ITGA11: variants seen among roughly 807,000 people sequenced by gnomAD.
ITGA11 encodes integrin subunit alpha 11, also known as integrin alpha-11.
A neutral mutation model predicts 141.9 loss-of-function variants in ITGA11; 97 were observed. That is an observed-to-expected ratio of 0.68 (90% confidence interval 0.58 to 0.81). The LOEUF (loss-of-function observed/expected upper bound fraction) is 0.81. Ranked by LOEUF, ITGA11 falls within the 30% of genes least tolerant of loss-of-function variation. The pLI, the probability that ITGA11 is intolerant of heterozygous loss-of-function variation, is 0.00. For synonymous variants in ITGA11, 658 were observed against 624.6 expected (o/e 1.05, Z -0.80); for missense variants, 1,387 against 1,559.2 (o/e 0.89, Z 1.86).
chr15:68,359,048 A>G (rs973366049), intron 5 of ITGA11, among the ~76,000 whole-genome samples: 1 of 152,046 alleles, frequency 6.6e-6, no homozygotes, highest in Admixed American at 6.6e-5. Flanking sequence ...TGGCTTTGGC[A>G]CTCCCTAGCT....
In ITGA11 at chr15:68,322,245, C is replaced by A. The variant is rs552440480; in HGVS notation, c.2323-742G>T. 2.3e-3 allele frequency among the ~76,000 whole-genome samples: 355 copies of A among 152,278 alleles called. 3 individuals are homozygous for A. Among genetic ancestry groups the A allele is most frequent in the African/African-American group, 8.3e-3 (343 of 41,554 alleles). Reference sequence around the variant, plus strand: ...AGGGCCTTGGGGTCATTCCTTGCAACTGGTAGGAGTCGCCGAATGCCTCAG... The same window carrying A: ...AGGGCCTTGGGGTCATTCCTTGCAAATGGTAGGAGTCGCCGAATGCCTCAG... On this transcript the variant is annotated intron_variant, in intron 18 of 29. Coordinates refer to ENST00000315757, the MANE Select transcript of ITGA11 (RefSeq NM_001004439.2). This position sits in a 1 kb window ranked among gnomAD's most constrained non-coding sequence, Gnocchi z 5.6.
At chr15:68,386,629 G>A (rs908705346) in intron 2 of ITGA11, among the ~76,000 whole-genome samples, 9 of 152,122 alleles carry the variant, frequency 5.9e-5, no homozygotes, top group Non-Finnish European at 1.2e-4. Flanking sequence ...CCGAGGCTCC[G>A]GTCAGTTCTG....
intron 2 of ITGA11, among the ~76,000 whole-genome samples, chr15:68,391,146 A>C (rs1257680498): frequency 6.6e-6 from 1 of 152,122 alleles, no homozygotes; most frequent in East Asian, 1.9e-4. Context: ...CACAAGTGGG[A>C]ACAGAGATTC....
Position 68,311,287 on chromosome 15 carries a change from C to T in ITGA11, c.3087+3G>A, listed in dbSNP as rs898591. 1,552,188 of 1,556,636 alleles carry T rather than the reference C, an allele frequency of 1. 773,932 individuals carry two copies. The highest frequency in any genetic ancestry group is 1 in the East Asian group (41,763 of 41,768). On this transcript the variant is annotated splice_donor_region_variant and intron_variant, in intron 25 of 29. Transcript: ENST00000315757. ...CCTAGCCGGCTCCCAAGGCCATCAC[C>T]ACCTCGTCCGTGAGGAAGTCCCTCA...
intron 7 of ITGA11, among the ~76,000 whole-genome samples, chr15:68,355,381 GA>G (rs1318528043): frequency 5.9e-5 from 9 of 152,212 alleles, no homozygotes; most frequent in Non-Finnish European, 1.2e-4. Flanking sequence ...AAAGAGTTAT[GA>G]GGTTGGAAAA....
intron 4 of ITGA11, 197 bp from the exon 5 acceptor site, chr15:68,361,901 C>A: frequency 2.0e-6 from 1 of 507,264 alleles, no homozygotes; most frequent in Non-Finnish European, 3.5e-6. Flanking sequence ...GGTTTCAGGT[C>A]TAATGGAGAA....
In ITGA11 at chr15:68,357,317, G is replaced by A. The variant is rs551917373; in HGVS notation, c.601-18C>T. The stretch of plus-strand genomic sequence containing the variant: ...ACTCCAACCTGCAAGGGAGAGGAGA[G>A]GGCAACAGAACATTTTGACCCCATG... On this transcript the variant is annotated intron_variant, in intron 6 of 29. Transcript: ENST00000315757. 435 of 1,604,394 alleles carry A rather than the reference G, an allele frequency of 2.7e-4. 4 individuals carry two copies. The South Asian group carries it at 4.6e-3, about 17-fold the overall frequency.
chr15:68,361,697 C>T lies in ITGA11; in HGVS notation c.365G>A (p.Ser122Asn). ...NPKDNSFLAC[S>N]PLWSHECGSS... ...CCCACACTCATGAGACCAGAGGGGG[C>T]TGCAGGCCTGGGGAGGGCAGTGCAG... is the stretch of plus-strand genomic sequence containing the variant. Residue 122 changes from serine to asparagine, a missense_variant, in exon 5 of 30, where the codon AGC (serine) becomes AAC (asparagine). Transcript: ENST00000315757. 1 of 1,602,802 alleles carries T rather than the reference C, an allele frequency of 6.2e-7. No individual in the cohort carries two copies. The highest frequency in any genetic ancestry group is 8.5e-7 in the Non-Finnish European group (1 of 1,174,338).
intron 10 of ITGA11, among the ~76,000 whole-genome samples, chr15:68,344,164 C>A (rs1894663599): frequency 6.6e-6 from 1 of 152,068 alleles, no homozygotes; most frequent in Non-Finnish European, 1.5e-5. Flanking sequence ...ACTCGCAAAC[C>A]CTTGGGACCA....
rs1019535856 is a variant in ITGA11, at chr15:68,308,083, A to C, written c.3175-387T>G. 1.1e-4 allele frequency among the ~76,000 whole-genome samples: 17 copies of C among 152,230 alleles called. No individual in the cohort carries two copies. Among genetic ancestry groups the C allele is most frequent in the Non-Finnish European group, 2.1e-4 (14 of 68,040 alleles). ...GAAGTCCAACTTCTGTTCATGATAA[A>C]AACTCCCAGGGAACTTCCTGAATCA... On this transcript the variant is annotated intron_variant, in intron 26 of 29. Transcript: ENST00000315757. The surrounding 1 kb of genome is among the most constrained non-coding windows in gnomAD (Gnocchi z 5.2).
chr15:68,346,884 CA>C (rs1894760307), intron 10 of ITGA11, among the ~76,000 whole-genome samples: 1 of 152,200 alleles, frequency 6.6e-6, no homozygotes, highest in African/African-American at 2.4e-5. Flanking sequence ...CTGCATTGAG[CA>C]GGGGGTCTTC....
Position 68,321,598 on chromosome 15 carries a change from T to A in ITGA11, c.2323-95A>T, listed in dbSNP as rs560345274. On this transcript the variant is annotated intron_variant, in intron 18 of 29. Transcript: ENST00000315757. The surrounding 1 kb of genome is among the most constrained non-coding windows in gnomAD (Gnocchi z 4.9). ...AGCTCTGTCTCCACCACACTAGACA[T>A]GGGCTGGCTTTCCTGCACTGTCCCC... The A allele has an allele frequency of 3.4e-4, 230 of 676,078 alleles. No individual in the cohort carries two copies. The African/African-American group carries it at 4.0e-3, about 12-fold the overall frequency. 41.9% of individuals were successfully genotyped at this position (676,078 alleles called of 1,614,324 possible).
Position 68,328,188 on chromosome 15 carries a change from C to T in ITGA11, c.1976G>A (p.Cys659Tyr), listed in dbSNP as rs546901137. The T allele has an allele frequency of 1.9e-6, 3 of 1,613,744 alleles. No homozygotes were observed. Among genetic ancestry groups the T allele is most frequent in the African/African-American group, 2.7e-5 (2 of 74,906 alleles). The change falls in exon 16 of 30, where the codon TGC becomes TAC. Residue 659 changes from cysteine to tyrosine, a missense_variant. Transcript: ENST00000315757. The surrounding 1 kb of genome is among the most constrained non-coding windows in gnomAD (Gnocchi z 4.8). ...PSKINIFHRD[C>Y]KRSGRDATCL... ...GGTGGCATCCCTGCCACTGCGCTTG[C>T]AGTCTCTGTGGAAGATGTTGATCTT...
chr15:68,389,328 C>T (rs563511189), intron 2 of ITGA11, among the ~76,000 whole-genome samples: 1 of 152,338 alleles, frequency 6.6e-6, no homozygotes, highest in Non-Finnish European at 1.5e-5. Flanking sequence ...CTTGATCTCC[C>T]ACCAACCCAC....
intron 13 of ITGA11, 109 bp downstream of exon 13, chr15:68,332,229 C>A: frequency 7.3e-7 from 1 of 1,370,316 alleles, no homozygotes. Flanking sequence ...TCTCCCCAGG[C>A]CTGGCTCCAG....
intron 7 of ITGA11, 182 bp downstream of exon 7, chr15:68,356,969 C>T (rs1895089298): frequency 1.7e-6 from 1 of 598,584 alleles, no homozygotes; most frequent in South Asian, 2.1e-5. Flanking sequence ...CAGACTGCAA[C>T]TACCTGAGAG....
chr15:68,311,245 T>G, intron 25 of ITGA11, 45 bp downstream of exon 25: 2 of 1,384,222 alleles, frequency 1.4e-6, no homozygotes, highest in Non-Finnish European at 2.0e-6. Context: ...AGTGTCTGTC[T>G]CCTTCTGGTC....
At chr15:68,331,292 A>C (rs962864375) in intron 14 of ITGA11, among the ~76,000 whole-genome samples, 181 bp from the exon 15 acceptor site, 1 of 152,068 alleles carries the variant, frequency 6.6e-6, no homozygotes, top group Non-Finnish European at 1.5e-5. Context: ...CCTACCATTC[A>C]AGTCATTCTT....
At chr15:68,361,458 T>C in intron 5 of ITGA11, 132 bp downstream of exon 5, 3 of 631,390 alleles carry the variant, frequency 4.8e-6, no homozygotes. Flanking sequence ...TTCCAGGTCA[T>C]CCGGAGAGCT....
Sources: gnomAD v4.1 joint callset for allele counts (sites outside exome capture counted in the v4.1 genomes callset) on GRCh38, gnomAD v4.1.1 for gene constraint, Gnocchi (gnomAD v3.1) non-coding constraint, MANE v1.5 for transcripts, NCBI Gene and HGNC (gene_info 2026-07-23, HGNC 2026-07-21) for gene names.